PIEZO1: variants seen among roughly 807,000 people sequenced by gnomAD.
PIEZO1 encodes piezo type mechanosensitive ion channel component 1 (Er blood group).
Under a neutral mutation model 297.2 loss-of-function variants are expected in PIEZO1, and 296 were observed. That is an observed-to-expected ratio of 1.00 (90% CI 0.91 to 1.10). The LOEUF (loss-of-function observed/expected upper bound fraction) is 1.10, where lower values mean the gene tolerates loss of function less well. PIEZO1 is among the 50% of genes least tolerant of loss of function. The pLI, the probability that PIEZO1 is intolerant of heterozygous loss-of-function variation, is 0.00. For missense variants in PIEZO1, 5,018 were observed against 3,455.5 expected (o/e 1.45, Z -11.34); for synonymous variants, 2,427 against 1,507.5 (o/e 1.61, Z -14.13).
intron 1 of PIEZO1, among the ~76,000 whole-genome samples, chr16:88,751,106 A>G (rs1906367230): frequency 6.6e-6 from 1 of 152,076 alleles, no homozygotes. Flanking sequence ...AGTCTTCTGG[A>G]GGGAGGCCCA....
chr16:88,749,771 T>C (rs1349465074), intron 1 of PIEZO1, among the ~76,000 whole-genome samples: 1 of 152,220 alleles, frequency 6.6e-6, no homozygotes, highest in Non-Finnish European at 1.5e-5. Context: ...TTCACACCTG[T>C]CATCCCAGCA....
chr16:88,763,017 G>T (rs1053605833), intron 1 of PIEZO1, among the ~76,000 whole-genome samples: 2 of 152,332 alleles, frequency 1.3e-5, no homozygotes, highest in Admixed American at 1.3e-4. Flanking sequence ...CATCATGGGG[G>T]TAGCCCGTCC....
chr16:88,750,448 G>C (rs755823611), intron 1 of PIEZO1, among the ~76,000 whole-genome samples: 1 of 152,254 alleles, frequency 6.6e-6, no homozygotes, highest in Non-Finnish European at 1.5e-5. Flanking sequence ...CAAATGCTCT[G>C]CGTGGCCGCA....
intron 1 of PIEZO1, among the ~76,000 whole-genome samples, chr16:88,770,327 C>G (rs967539514): frequency 1.3e-5 from 2 of 152,214 alleles, no homozygotes; most frequent in African/African-American, 2.4e-5. Context: ...ACCTGCCCCC[C>G]AGCCGGGCCC....
Position 88,731,912 on chromosome 16 carries a change from T to TGGGGTGGGGGGGGGGTGG in PIEZO1, c.2992-3_2992-2insCCACCCCCCCCCCACCCC. ...GTTCACGGCCATCAGGAAGCAGATCTGGGGAGGGGAGAGGGCGGGGTGTGG... is the reference window on the plus strand; with the variant it reads ...GTTCACGGCCATCAGGAAGCAGATCTGGGGTGGGGGGGGGGTGGGGGGAGGGGAGAGGGCGGGGTGTGG... On this transcript the variant is annotated splice_region_variant and splice_polypyrimidine_tract_variant and intron_variant, in intron 21 of 50. Transcript: ENST00000301015. 1 of 853,474 alleles carries TGGGGTGGGGGGGGGGTGG rather than the reference T, an allele frequency of 1.2e-6. No individual in the cohort carries two copies. 52.9% of individuals were successfully genotyped at this position (853,474 alleles called of 1,614,324 possible).
chr16:88,768,998 A>G (rs1206538107), intron 1 of PIEZO1, among the ~76,000 whole-genome samples: 1 of 152,222 alleles, frequency 6.6e-6, no homozygotes, highest in Non-Finnish European at 1.5e-5. Context: ...CAAAGGCCAC[A>G]CACTGAAGTA....
intron 2 of PIEZO1, chr16:88,743,213 G>A: frequency 2.2e-6 from 1 of 456,462 alleles, no homozygotes; most frequent in Non-Finnish European, 4.4e-6. Context: ...GCACCCTGTG[G>A]CTGGGGGCAC....
chr16:88,758,069 G>A (rs1031790506), intron 1 of PIEZO1, among the ~76,000 whole-genome samples: 2 of 152,184 alleles, frequency 1.3e-5, no homozygotes, highest in African/African-American at 2.4e-5. Flanking sequence ...GTTGGGGACA[G>A]AGCAGCTGAA....
intron 1 of PIEZO1, among the ~76,000 whole-genome samples, chr16:88,778,056 A>G (rs981337352): frequency 1.3e-5 from 2 of 152,080 alleles, no homozygotes; most frequent in Non-Finnish European, 2.9e-5. Flanking sequence ...GTTGAGTTTC[A>G]TTGTTTTCCC....
chr16:88,736,973 GA>G, intron 10 of PIEZO1: 1 of 439,416 alleles, frequency 2.3e-6, no homozygotes, highest in South Asian at 3.2e-5. Context: ...GAAAGGGTGG[GA>G]AAGGTGGCCC....
In PIEZO1 at chr16:88,733,975, C is replaced by T; in HGVS notation, c.2260G>A (p.Glu754Lys). The T allele has an allele frequency of 6.5e-7, 1 of 1,547,464 alleles. No individual in the cohort carries two copies. The highest frequency in any genetic ancestry group is 8.7e-7 in the Non-Finnish European group (1 of 1,144,952). Residue 754 changes from glutamate to lysine, a missense_variant, in exon 17 of 51, where the codon GAG becomes AAG. By Grantham distance (56) the Glu-to-Lys change is moderately conservative (BLOSUM62 1). Coordinates refer to ENST00000301015, the MANE Select transcript of PIEZO1 (RefSeq NM_001142864.4). ...HQQQQQEEEEEEEDSRDEGLG... is the reference protein window; with the variant it reads ...HQQQQQEEEEKEEDSRDEGLG... The stretch of plus-strand genomic sequence containing the variant: ...CCCTCGTCCCTGGAGTCCTCCTCCT[C>T]CTCCTCCTCCTCCTGCTGCTGCTGC...
intron 1 of PIEZO1, among the ~76,000 whole-genome samples, chr16:88,783,739 A>G (rs897277640): frequency 5.3e-5 from 8 of 152,154 alleles, no homozygotes; most frequent in Admixed American, 3.3e-4. Flanking sequence ...TCCAGCCTCA[A>G]TGGTTTTCAT....
chr16:88,733,967 C>A lies in PIEZO1; in HGVS notation c.2268G>T (p.Glu756Asp). 7.2e-7 allele frequency: 1 copy of A among 1,380,820 alleles called. No homozygotes were observed. Among genetic ancestry groups the A allele is most frequent in the Non-Finnish European group, 9.5e-7 (1 of 1,057,582 alleles). 85.5% of individuals were successfully genotyped at this position (1,380,820 alleles called of 1,614,324 possible). Reference protein sequence around the residue: ...QQQQEEEEEEEDSRDEGLGVA... With the variant: ...QQQQEEEEEEDDSRDEGLGVA... ...CGCCCAGCCCCTCGTCCCTGGAGTC[C>A]TCCTCCTCCTCCTCCTCCTCCTGCT... The change falls in exon 17 of 51, where the codon GAG (glutamate) becomes GAT (aspartate). Residue 756 changes from glutamate to aspartate, a missense_variant. By Grantham distance (45) the Glu-to-Asp change is conservative (BLOSUM62 2). Coordinates refer to ENST00000301015, the MANE Select transcript of PIEZO1 (RefSeq NM_001142864.4).
intron 31 of PIEZO1, 117 bp from the exon 32 acceptor site, chr16:88,723,445 A>G (rs978230275): frequency 4.1e-6 from 5 of 1,210,802 alleles, no homozygotes; most frequent in Non-Finnish European, 5.8e-6. Flanking sequence ...TCTCCCAGGG[A>G]CCTCCGTGTC....
At chr16:88,717,997 C>T (rs1030472779) in intron 44 of PIEZO1, 17 of 330,984 alleles carry the variant, frequency 5.1e-5, no homozygotes, top group Non-Finnish European at 8.7e-5. Context: ...GTGGGAGAAT[C>T]GCTTGAACCT....
Position 88,736,750 on chromosome 16 carries a change from G to A in PIEZO1, c.1196-11C>T, listed in dbSNP as rs1483894051. ...CCCGCTTGGGCCGCACTGCAGGTGGGGACAGCGGTCAGCTTCGGCAGGTTG... is the reference window on the plus strand; with the variant it reads ...CCCGCTTGGGCCGCACTGCAGGTGGAGACAGCGGTCAGCTTCGGCAGGTTG... On this transcript the variant is annotated splice_polypyrimidine_tract_variant and intron_variant, in intron 10 of 50. Transcript: ENST00000301015. 4.0e-6 allele frequency: 6 copies of A among 1,500,662 alleles called. No individual in the cohort carries two copies. The South Asian group carries it at 4.9e-5, about 12-fold the overall frequency. The allele number at this position is 1,500,662 out of a possible 1,614,324, so 93.0% of individuals were successfully genotyped here.
rs564220264 is a variant in PIEZO1, at chr16:88,722,979, C to T, written c.4526G>A (p.Ser1509Asn). Residue 1509 changes from serine (S) to asparagine (N), a missense_variant, in exon 34 of 51, where the codon AGC (serine) becomes AAC (asparagine). Ser to Asn is a conservative substitution (Grantham distance 46, BLOSUM62 1). Coordinates refer to ENST00000301015, the MANE Select transcript of PIEZO1 (RefSeq NM_001142864.4). ...CAGCATCCACAGGAACTGCGCCGTG[C>T]TCAGCACCCTCTGCACCACATGGCT... is the stretch of plus-strand genomic sequence containing the variant. ...GRSHVVQRVL[S>N]TAQFLWMLGQ... 6.5e-6 allele frequency: 10 copies of T among 1,548,346 alleles called. No homozygotes were observed. Among genetic ancestry groups the T allele is most frequent in the African/African-American group, 1.4e-5 (1 of 73,140 alleles).
rs868504817 is a variant in PIEZO1, at chr16:88,742,034, G to A, written c.326+19C>T. 3 of 1,535,674 alleles carry A rather than the reference G, an allele frequency of 2.0e-6. No homozygotes were observed. The highest frequency in any genetic ancestry group is 1.7e-4 in the Middle Eastern group (1 of 5,972). On this transcript the variant is annotated intron_variant, in intron 4 of 50. Transcript: ENST00000301015. ...CCCAAGGGAGGCTTGCTGGTTGGGG[G>A]TGGGAGGAATGGTCTTACCTTGTGA...
At chr16:88,730,525 G>A (rs1904730134) in intron 22 of PIEZO1, among the ~76,000 whole-genome samples, 1 of 151,390 alleles carries the variant, frequency 6.6e-6, no homozygotes, top group South Asian at 2.1e-4. Flanking sequence ...TTGAACCCGG[G>A]AGGCGGAGGC....
Sources: allele counts gnomAD v4.1 joint callset (sites outside exome capture counted in the v4.1 genomes callset), GRCh38; gene constraint gnomAD v4.1.1; transcripts MANE v1.5; gene names NCBI Gene and HGNC (gene_info 2026-07-23, HGNC 2026-07-21).